Variants in MTA3 observed in about 807,000 individuals in gnomAD.
MTA3 encodes the protein metastasis-associated protein MTA3.
A neutral mutation model predicts 83.5 loss-of-function variants in MTA3; 34 were observed. That is an observed-to-expected ratio of 0.41 (90% CI 0.31 to 0.54). The LOEUF is 0.54. MTA3 is among the 20% of genes least tolerant of loss of function. MTA3 has a pLI of 0.33. For missense variants in MTA3, 761 were observed against 726.4 expected, an observed-to-expected ratio of 1.05 and a Z score of -0.55; for synonymous variants, 303 against 252.7, an observed-to-expected ratio of 1.20 and a Z score of -1.89.
At chr2:42,639,474 A>G (rs771919356) in intron 4 of MTA3, among the ~76,000 whole-genome samples, 1 of 152,100 alleles carries the variant, frequency 6.6e-6, no homozygotes, top group Non-Finnish European at 1.5e-5. Flanking sequence ...AAATGCCTCT[A>G]CCTACATAAC....
intron 16 of MTA3, among the ~76,000 whole-genome samples, chr2:42,728,390 G>A (rs1667972472): frequency 6.6e-6 from 1 of 152,182 alleles, no homozygotes; most frequent in African/African-American, 2.4e-5. Context: ...GAATAGTACT[G>A]CAGTAAACAT....
At chr2:42,515,199 C>T (rs1308160231) in intron 2 of MTA3, among the ~76,000 whole-genome samples, 1 of 151,996 alleles carries the variant, frequency 6.6e-6, no homozygotes, top group Non-Finnish European at 1.5e-5. Flanking sequence ...GCTGGGATTA[C>T]AGGTGCCCAC....
chr2:42,715,406 CTTTTTTTTTT>C (rs35673744), intron 14 of MTA3, among the ~76,000 whole-genome samples: 7 of 104,170 alleles, frequency 6.7e-5, no homozygotes, highest in Admixed American at 2.1e-4. Flanking sequence ...CCACCAACTA[CTTTTTTTTTT>C]TTTTTTTTTT....
chr2:42,541,961 G>C (rs1177246496), intron 2 of MTA3, among the ~76,000 whole-genome samples: 1 of 152,150 alleles, frequency 6.6e-6, no homozygotes, highest in African/African-American at 2.4e-5. Flanking sequence ...CCAAAAACCA[G>C]CCTCAGGAGG....
chr2:42,606,565 G>C (rs1445885045), intron 3 of MTA3, among the ~76,000 whole-genome samples: 1 of 140,460 alleles, frequency 7.1e-6, no homozygotes, highest in Non-Finnish European at 1.5e-5. Flanking sequence ...ATGGGATGGC[G>C]GCCGGGCGGA....
chr2:42,503,924 T>TTG (rs1204051992), intron 2 of MTA3, among the ~76,000 whole-genome samples: 86 of 136,456 alleles, frequency 6.3e-4, no homozygotes, highest in African/African-American at 2.1e-3. Context: ...CCACATTCTT[T>TTG]TTTTTTTTTT....
intron 2 of MTA3, among the ~76,000 whole-genome samples, chr2:42,534,873 T>C (rs2103731244): frequency 1.3e-5 from 2 of 152,194 alleles, no homozygotes; most frequent in East Asian, 3.9e-4. Context: ...TCCGCTAGCC[T>C]TGGCCTCCCA....
At chr2:42,508,856 AAATATATTATAT>A (rs995259757) in intron 2 of MTA3, among the ~76,000 whole-genome samples, 1 of 146,714 alleles carries the variant, frequency 6.8e-6, no homozygotes, top group Non-Finnish European at 1.5e-5. Flanking sequence ...TTAAATTATT[AAATATATTATAT>A]AATATATTAT....
At chr2:42,562,117 GC>G (rs1322972655) in intron 2 of MTA3, among the ~76,000 whole-genome samples, 1 of 152,148 alleles carries the variant, frequency 6.6e-6, no homozygotes, top group Non-Finnish European at 1.5e-5. Flanking sequence ...TCACAGGGCT[GC>G]CCCCTTTTCT....
chr2:42,505,915 C>A (rs563803044), intron 2 of MTA3, among the ~76,000 whole-genome samples: 1 of 151,762 alleles, frequency 6.6e-6, no homozygotes, highest in African/African-American at 2.4e-5. Context: ...ATTACAGGTG[C>A]CTGCCACCAC....
At chr2:42,726,911 T>C (rs553999092) in intron 16 of MTA3, among the ~76,000 whole-genome samples, 1 of 152,160 alleles carries the variant, frequency 6.6e-6, no homozygotes, top group East Asian at 1.9e-4. Context: ...GATGTATACA[T>C]AGGGGGAGTG....
intron 8 of MTA3, among the ~76,000 whole-genome samples, chr2:42,665,970 T>G (rs1027474454): frequency 6.6e-6 from 1 of 152,190 alleles, no homozygotes. Flanking sequence ...CTATGTTATA[T>G]CTGATCTTTT....
chr2:42,661,525 AAAAG>A lies in MTA3; in HGVS notation c.702+1667_702+1670del, dbSNP rs537328061. ...CTGTCTCAAAAAAAAAAAAAAAAAA[AAAAG>A]AAAAAGATATTTATGTGAACCAGAA... On this transcript the variant is annotated intron_variant, in intron 8 of 16. Transcript: ENST00000405094. Among the ~76,000 whole-genome samples, 1,029 of 144,584 alleles carry A rather than the reference AAAAG, an allele frequency of 7.1e-3. 89 individuals are homozygous for A. Among genetic ancestry groups the A allele is most frequent in the East Asian group, 0.021 (106 of 5,004 alleles). 94.9% of individuals were successfully genotyped at this position (144,584 alleles called of 152,430 possible).
rs189831932 is a variant in MTA3 at position 42,650,441 on chromosome 2, T to G, written c.500-5759T>G. On this transcript the variant is annotated intron_variant, in intron 6 of 16. Coordinates refer to ENST00000405094, the MANE Select transcript of MTA3 (RefSeq NM_001330442.2). ...ATTGTGTTTGTTTGGGGTTTTTTTGTTTTTTTGGTTTTTTTTGAGACGGAG... is the reference window on the plus strand; with the variant it reads ...ATTGTGTTTGTTTGGGGTTTTTTTGGTTTTTTGGTTTTTTTTGAGACGGAG... Among the ~76,000 whole-genome samples, 203 of 152,060 alleles carry G rather than the reference T, an allele frequency of 1.3e-3. 1 individual carries two copies. The highest frequency in any genetic ancestry group is 4.6e-3 in the African/African-American group (193 of 41,516).
chr2:42,733,579 A>G (rs7567139), intron 16 of MTA3, among the ~76,000 whole-genome samples: 30,979 of 152,216 alleles, frequency 0.2, 3,537 homozygotes, highest in East Asian at 0.52. Context: ...ATTTGTTTCA[A>G]TACATTTTTA....
At position 42,536,833 on chromosome 2, in the gene MTA3, T is replaced by A. The variant is rs1676262431; in HGVS notation, c.-140-33604T>A. On this transcript the variant is annotated intron_variant, in intron 2 of 17. Coordinates refer to the MTA3 transcript ENST00000405592. ...AAGATTGTGCCACTGCACTCCAGCCTGGGCAACAGAGTGAGACCCCATCTC... is the reference window on the plus strand; with the variant it reads ...AAGATTGTGCCACTGCACTCCAGCCAGGGCAACAGAGTGAGACCCCATCTC... Among the ~76,000 whole-genome samples the A allele has an allele frequency of 4.4e-5, 5 of 114,484 alleles. No individual in the cohort carries two copies. The South Asian group carries it at 1.5e-3, about 34-fold the overall frequency. The allele number at this position is 114,484 out of a possible 152,430, so 75.1% of individuals were successfully genotyped here. A position where few individuals can be genotyped will look rare whatever the true frequency, so the allele number is the denominator to read the frequency against.
chr2:42,685,800 G>A (rs1057044543), intron 9 of MTA3, among the ~76,000 whole-genome samples: 1 of 151,270 alleles, frequency 6.6e-6, no homozygotes, highest in Non-Finnish European at 1.5e-5. Context: ...CTGCTCAAAG[G>A]GTTTTGTGTT....
intron 16 of MTA3, among the ~76,000 whole-genome samples, chr2:42,742,681 T>C (rs1016334414): frequency 6.6e-6 from 1 of 152,204 alleles, no homozygotes; most frequent in African/African-American, 2.4e-5. Flanking sequence ...CTCTGACTCA[T>C]AGTAGGTATT....
At chr2:42,643,112 C>T (rs909053336) in intron 5 of MTA3, among the ~76,000 whole-genome samples, 1 of 141,958 alleles carries the variant, frequency 7.0e-6, no homozygotes, top group African/African-American at 2.6e-5. Flanking sequence ...TAAAATACAG[C>T]ACAGAATTTC....
Sources: gnomAD v4.1 joint callset for allele counts (sites outside exome capture counted in the v4.1 genomes callset) on GRCh38, gnomAD v4.1.1 for gene constraint, MANE v1.5 for transcripts, NCBI Gene and HGNC (gene_info 2026-07-23, HGNC 2026-07-21) for gene names.